The following DKK2 variants were observed in gnomAD, a reference collection of about 807,000 sequenced individuals.
DKK2 encodes the protein dickkopf-related protein 2.
A neutral mutation model predicts 28.1 loss-of-function variants in DKK2; 11 were observed. The observed-to-expected ratio is 0.39, with a 90% CI of 0.25 to 0.65. The LOEUF (loss-of-function observed/expected upper bound fraction) is 0.65, where lower values mean the gene tolerates loss of function less well. Among genes scored for constraint, DKK2 ranks in the 30% least tolerant of loss-of-function variants. The pLI is 0.47. For synonymous variants in DKK2, 135 were observed against 126.5 expected (o/e 1.07, Z -0.45); for missense variants, 326 against 335.5 (o/e 0.97, Z 0.22).
chr4:107,030,151 T>G (rs1723854549), intron 1 of DKK2, among the ~76,000 whole-genome samples: 1 of 152,108 alleles, frequency 6.6e-6, no homozygotes, highest in Non-Finnish European at 1.5e-5. Context: ...TTTAAAGTTT[T>G]CTTTGATTAA....
At chr4:106,973,838 G>A (rs1722904000) in intron 1 of DKK2, among the ~76,000 whole-genome samples, 1 of 152,068 alleles carries the variant, frequency 6.6e-6, no homozygotes, top group South Asian at 2.1e-4. Flanking sequence ...GTATTGCCTA[G>A]GTTTTCCTCT....
chr4:107,009,277 C>T lies in DKK2; in HGVS notation c.222+26093G>A, dbSNP rs112369948. 9.3e-3 allele frequency among the ~76,000 whole-genome samples: 1,412 copies of T among 151,868 alleles called. 23 individuals carry two copies. The highest frequency in any genetic ancestry group is 0.032 in the African/African-American group (1,334 of 41,462). On this transcript the variant is annotated intron_variant, in intron 1 of 3. Transcript: ENST00000285311. ...TTCTTTCTGAATGCTCATTTTGTAACATTTTGAGATCTGAAGAATTCAAAA... is the reference window on the plus strand; with the variant it reads ...TTCTTTCTGAATGCTCATTTTGTAATATTTTGAGATCTGAAGAATTCAAAA...
intron 1 of DKK2, among the ~76,000 whole-genome samples, chr4:107,004,366 G>C (rs1422344977): frequency 1.3e-5 from 2 of 152,126 alleles, no homozygotes; most frequent in Non-Finnish European, 2.9e-5. Flanking sequence ...GGTTATTATT[G>C]ACAGACCTAT....
intron 1 of DKK2, among the ~76,000 whole-genome samples, chr4:106,960,730 A>G (rs1197918664): frequency 2.0e-5 from 3 of 152,160 alleles, no homozygotes; most frequent in Non-Finnish European, 2.9e-5. Flanking sequence ...TAAAATACAT[A>G]AATTTTCCCT....
At chr4:107,003,800 AT>A (rs1490353801) in intron 1 of DKK2, among the ~76,000 whole-genome samples, 2 of 152,204 alleles carry the variant, frequency 1.3e-5, no homozygotes, top group African/African-American at 4.8e-5. Context: ...AATTTAAAAT[AT>A]CAGACCTCAG....
At chr4:107,008,316 T>C (rs1461615204) in intron 1 of DKK2, among the ~76,000 whole-genome samples, 2 of 152,002 alleles carry the variant, frequency 1.3e-5, no homozygotes, top group Admixed American at 6.6e-5. Flanking sequence ...ATCTTTCAGT[T>C]TGAGTGGAAA....
Position 107,035,444 on chromosome 4 carries a change from C to G in DKK2, c.148G>C (p.Ala50Pro). 6.2e-7 allele frequency: 1 copy of G among 1,614,200 alleles called. No individual in the cohort carries two copies. The highest frequency in any genetic ancestry group is 8.5e-7 in the Non-Finnish European group (1 of 1,180,046). The change falls in exon 1 of 4, where the codon GCC becomes CCC. Residue 50 changes from alanine to proline, a missense_variant. Ala to Pro is a conservative substitution (Grantham distance 27). Coordinates refer to ENST00000285311, the MANE Select transcript of DKK2 (RefSeq NM_014421.3). ...SSLGGETPGQ[A>P]ANRSAGMYQG... ...TACATGCCCGCAGATCGATTGGCGG[C>G]CTGACCAGGCGTCTCCCCGCCCAGA...
At chr4:106,982,740 G>GAA (rs567042176) in intron 1 of DKK2, among the ~76,000 whole-genome samples, 17 of 151,996 alleles carry the variant, frequency 1.1e-4, no homozygotes, top group African/African-American at 3.6e-4. Flanking sequence ...GAGAGAGAGA[G>GAA]AAATGCACAA....
At chr4:107,013,567 C>A (rs1578378501) in intron 1 of DKK2, among the ~76,000 whole-genome samples, 1 of 151,464 alleles carries the variant, frequency 6.6e-6, no homozygotes, top group East Asian at 1.9e-4. Context: ...AATTCAGTTA[C>A]ACCTGAAATT....
intron 1 of DKK2, among the ~76,000 whole-genome samples, chr4:106,937,862 T>C (rs1412138568): frequency 2.0e-5 from 3 of 152,082 alleles, no homozygotes; most frequent in Non-Finnish European, 4.4e-5. Flanking sequence ...TGCTCCTGAA[T>C]GAACTACTGG....
At chr4:106,979,540 T>C (rs1156706717) in intron 1 of DKK2, among the ~76,000 whole-genome samples, 1 of 151,978 alleles carries the variant, frequency 6.6e-6, no homozygotes, top group African/African-American at 2.4e-5. Flanking sequence ...GCCGCTAAGA[T>C]TTAATAACTT....
intron 1 of DKK2, among the ~76,000 whole-genome samples, chr4:106,983,906 G>A (rs368533171): frequency 6.6e-6 from 1 of 152,110 alleles, no homozygotes; most frequent in Non-Finnish European, 1.5e-5. Context: ...AACCACAATA[G>A]GATATCAGTA....
chr4:106,957,352 T>C (rs1284112829), intron 1 of DKK2, among the ~76,000 whole-genome samples: 7 of 151,958 alleles, frequency 4.6e-5, no homozygotes, highest in African/African-American at 1.7e-4. Context: ...TGGCGATTCC[T>C]CAGGGATCTA....
chr4:106,946,436 GT>G (rs1231403380), intron 1 of DKK2, among the ~76,000 whole-genome samples: 1 of 152,058 alleles, frequency 6.6e-6, no homozygotes, highest in Non-Finnish European at 1.5e-5. Context: ...GTTAAAAATT[GT>G]TGAAGTTATA....
At chr4:106,930,838 G>T (rs984586202) in intron 1 of DKK2, among the ~76,000 whole-genome samples, 1 of 152,156 alleles carries the variant, frequency 6.6e-6, no homozygotes, top group Non-Finnish European at 1.5e-5. Context: ...AAGAACTGGG[G>T]ATGAGAATAT....
chr4:107,035,873 C>A lies in DKK2; in HGVS notation c.-282G>T. 1 of 480,554 alleles carries A rather than the reference C, an allele frequency of 2.1e-6. No individual in the cohort carries two copies. The highest frequency in any genetic ancestry group is 3.9e-5 in the East Asian group (1 of 25,964). 29.8% of individuals were successfully genotyped at this position (480,554 alleles called of 1,614,324 possible). On this transcript the variant is annotated 5_prime_UTR_variant, in exon 1 of 4. Transcript: ENST00000285311. ...GCGAGGCGCTTTCTCGCCAAGGAGG[C>A]GTGACCCAAGGTGCAAGAAAACCCA...
intron 1 of DKK2, among the ~76,000 whole-genome samples, chr4:106,952,536 T>C (rs1283049735): frequency 1.3e-5 from 2 of 152,118 alleles, no homozygotes; most frequent in South Asian, 2.1e-4. Context: ...ATTAATCAAA[T>C]CCTATCTCCT....
chr4:106,937,644 C>A (rs1724617204), intron 1 of DKK2, among the ~76,000 whole-genome samples: 1 of 151,094 alleles, frequency 6.6e-6, no homozygotes, highest in Non-Finnish European at 1.5e-5. Context: ...AACTCTCCAC[C>A]CCAAATCAAC....
At chr4:106,962,456 G>A (rs1371284558) in intron 1 of DKK2, among the ~76,000 whole-genome samples, 1 of 148,750 alleles carries the variant, frequency 6.7e-6, no homozygotes, top group Admixed American at 6.8e-5. Context: ...ATTAAGGAAA[G>A]AACAGTCTCT....
Sources: allele counts gnomAD v4.1 joint callset (sites outside exome capture counted in the v4.1 genomes callset), GRCh38; gene constraint gnomAD v4.1.1; transcripts MANE v1.5; gene names NCBI Gene and HGNC (gene_info 2026-07-23, HGNC 2026-07-21).